The following SYNE1 variants were observed in gnomAD, a reference collection of about 807,000 sequenced individuals.
SYNE1 encodes spectrin repeat containing nuclear envelope protein 1, also known as nesprin-1.
A neutral mutation model predicts 1,111.0 loss-of-function variants in SYNE1; 616 were observed. The ratio of observed to expected loss-of-function variants is 0.55; its 90% CI spans 0.52 to 0.59. The LOEUF is 0.59. Among genes scored for constraint, SYNE1 ranks in the 20% least tolerant of loss-of-function variants. The probability of loss-of-function intolerance (pLI) is 0.00; values close to 1 mark genes in which losing one functional copy is unlikely to be tolerated. For synonymous variants in SYNE1, 3,855 were observed against 3,825.8 expected (o/e 1.01, Z -0.28); for missense variants, 10,006 against 10,417.0 (o/e 0.96, Z 1.72).
Position 152,231,572 on chromosome 6 carries a change from A to G in SYNE1, c.20863-5T>C. The G allele has an allele frequency of 1.2e-6, 2 of 1,613,954 alleles. No homozygotes were observed. The highest frequency in any genetic ancestry group is 2.2e-5 in the South Asian group (2 of 91,064). On this transcript the variant is annotated splice_polypyrimidine_tract_variant and splice_region_variant and intron_variant, in intron 113 of 145. Coordinates refer to ENST00000367255, the MANE Select transcript of SYNE1 (RefSeq NM_182961.4). ...GTTAATGTCTATCTTAAAACCCTAA[A>G]AAAAAAGAGGAGAAAATAAGATTAT...
At chr6:152,424,067 C>G (rs755116246) in intron 39 of SYNE1, among the ~76,000 whole-genome samples, 2 of 152,180 alleles carry the variant, frequency 1.3e-5, no homozygotes, top group Non-Finnish European at 1.5e-5. Flanking sequence ...TCCTTCCTCC[C>G]CTCTCTCCAC....
intron 128 of SYNE1, among the ~76,000 whole-genome samples, 196 bp downstream of exon 128, chr6:152,189,056 A>G (rs1341438219): frequency 7.0e-6 from 1 of 142,900 alleles, no homozygotes; most frequent in Non-Finnish European, 1.5e-5. Flanking sequence ...AAAAGAATCC[A>G]GTTTAGGTTT....
chr6:152,151,263 C>T (rs1274742438), intron 135 of SYNE1, among the ~76,000 whole-genome samples: 1 of 150,368 alleles, frequency 6.7e-6, no homozygotes, highest in African/African-American at 2.4e-5. Flanking sequence ...ACATCCCTAA[C>T]ACCCTGGCAA....
chr6:152,409,816 T>C lies in SYNE1; in HGVS notation c.6231-107A>G, dbSNP rs530967137. The C allele has an allele frequency of 1.3e-5, 16 of 1,194,972 alleles. No individual in the cohort carries two copies. The Admixed American group carries it at 2.1e-4, about 16-fold the overall frequency. 74.0% of individuals were successfully genotyped at this position (1,194,972 alleles called of 1,614,324 possible). A position where few individuals can be genotyped will look rare whatever the true frequency, so the allele number is the denominator to read the frequency against. Reference sequence around the variant, plus strand: ...CACTACGTAAAGGTATTAATACTCATAGACGGATTCCTACATACTGTCCTC... The same window carrying C: ...CACTACGTAAAGGTATTAATACTCACAGACGGATTCCTACATACTGTCCTC... On this transcript the variant is annotated intron_variant, in intron 42 of 145. Transcript: ENST00000367255.
chr6:152,592,263 T>C (rs1441656415), intron 3 of SYNE1, among the ~76,000 whole-genome samples: 1 of 152,134 alleles, frequency 6.6e-6, no homozygotes, highest in South Asian at 2.1e-4. Context: ...ACACATGCAC[T>C]CATAGGTTCC....
chr6:152,557,557 A>G (rs2099372147), intron 3 of SYNE1, among the ~76,000 whole-genome samples: 1 of 152,222 alleles, frequency 6.6e-6, no homozygotes, highest in South Asian at 2.1e-4. Flanking sequence ...AAATTTTGAA[A>G]GCAACTAGAG....
At chr6:152,534,335 T>C (rs1298677735) in intron 4 of SYNE1, among the ~76,000 whole-genome samples, 2 of 152,140 alleles carry the variant, frequency 1.3e-5, no homozygotes, top group Non-Finnish European at 2.9e-5. Flanking sequence ...TAATATATTC[T>C]ATAAATAAAT....
chr6:152,283,155 T>C (rs1474225134), intron 96 of SYNE1, among the ~76,000 whole-genome samples: 2 of 152,124 alleles, frequency 1.3e-5, no homozygotes, highest in African/African-American at 4.8e-5. Flanking sequence ...AAAAGGAAGA[T>C]AGCTGATTTT....
intron 101 of SYNE1, among the ~76,000 whole-genome samples, chr6:152,257,905 T>TA (rs1464582358): frequency 6.6e-6 from 1 of 151,936 alleles, no homozygotes; most frequent in Non-Finnish European, 1.5e-5. Context: ...TTCTTAAATA[T>TA]AAAAAAAGTA....
At chr6:152,477,324 G>A (rs1338417771) in intron 14 of SYNE1, among the ~76,000 whole-genome samples, 1 of 152,124 alleles carries the variant, frequency 6.6e-6, no homozygotes, top group Non-Finnish European at 1.5e-5. Flanking sequence ...GGGGAGTTTG[G>A]GGGAAGTTGT....
Position 152,236,102 on chromosome 6 carries a change from A to G in SYNE1, c.20396+5T>C. The G allele has an allele frequency of 3.1e-6, 5 of 1,613,682 alleles. No homozygotes were observed. Among genetic ancestry groups the G allele is most frequent in the Non-Finnish European group, 4.2e-6 (5 of 1,179,584 alleles). On this transcript the variant is annotated splice_donor_5th_base_variant and intron_variant, in intron 110 of 145. Coordinates refer to ENST00000367255, the MANE Select transcript of SYNE1 (RefSeq NM_182961.4). ...TAAAAATATACAAAACAGTCATTGT[A>G]TTACCTGGTCCAGTGTTTCAATATT... is the stretch of plus-strand genomic sequence containing the variant.
chr6:152,332,857 T>G (rs1362066754), intron 77 of SYNE1, among the ~76,000 whole-genome samples: 1 of 152,204 alleles, frequency 6.6e-6, no homozygotes, highest in Non-Finnish European at 1.5e-5. Flanking sequence ...AGTTCTGAAG[T>G]ATGAAAAGCA....
At chr6:152,311,454 G>T (rs1337675095) in intron 87 of SYNE1, among the ~76,000 whole-genome samples, 1 of 152,102 alleles carries the variant, frequency 6.6e-6, no homozygotes, top group Non-Finnish European at 1.5e-5. Context: ...TCATCTACTG[G>T]GTCTATCAGA....
chr6:152,139,474 G>T (rs1045571004), intron 140 of SYNE1, among the ~76,000 whole-genome samples: 4 of 151,322 alleles, frequency 2.6e-5, no homozygotes. Flanking sequence ...GTGGGGCTGA[G>T]GCAGGAGGAT....
chr6:152,488,100 T>C (rs566745758), intron 12 of SYNE1, among the ~76,000 whole-genome samples: 2 of 151,966 alleles, frequency 1.3e-5, no homozygotes, highest in Admixed American at 1.3e-4. Context: ...TCATGAGTTC[T>C]ATAAACACAA....
chr6:152,419,153 T>A (rs1372792715), intron 40 of SYNE1, among the ~76,000 whole-genome samples: 7 of 152,198 alleles, frequency 4.6e-5, no homozygotes, highest in Non-Finnish European at 1.0e-4. Flanking sequence ...ATATGCATAA[T>A]TTATAAATAA....
intron 9 of SYNE1, among the ~76,000 whole-genome samples, chr6:152,504,801 C>T (rs144162951): frequency 1.3e-5 from 2 of 152,300 alleles, no homozygotes; most frequent in Admixed American, 6.5e-5. Context: ...TGCTGATTGA[C>T]ACCAAAACAC....
rs1272028001 is a variant in SYNE1, at chr6:152,434,221, A to G, written c.4311-276T>C. On this transcript the variant is annotated intron_variant, in intron 33 of 145. Coordinates refer to ENST00000367255, the MANE Select transcript of SYNE1 (RefSeq NM_182961.4). ...CATTGCTGGGTCCAAAGGGGTTTGA[A>G]TCCAGGTAGAATCTAATTAAACTCT... The G allele has an allele frequency of 7.3e-6, 3 of 412,464 alleles. No homozygotes were observed. In the East Asian group the frequency reaches 1.5e-4, roughly 20 times the overall value. The allele number at this position is 412,464 out of a possible 1,614,324, so 25.6% of individuals were successfully genotyped here.
intron 82 of SYNE1, 80 bp from the exon 83 acceptor site, chr6:152,321,966 T>A (rs1320402893): frequency 2.0e-6 from 3 of 1,497,920 alleles, no homozygotes; most frequent in Non-Finnish European, 2.8e-6. Flanking sequence ...ATCCAATACA[T>A]ATATAGAAAT....
Sources: gnomAD v4.1 joint callset for allele counts (sites outside exome capture counted in the v4.1 genomes callset) on GRCh38, gnomAD v4.1.1 for gene constraint, MANE v1.5 for transcripts, NCBI Gene and HGNC (gene_info 2026-07-23, HGNC 2026-07-21) for gene names.